Variants in GALNT13 observed in about 807,000 individuals in gnomAD.
GALNT13 encodes UDP-GalNAc:polypeptide N-acetylgalactosaminyltransferase 13.
Under a neutral mutation model 64.2 loss-of-function variants are expected in GALNT13, and 28 were observed. The ratio of observed to expected loss-of-function variants is 0.44; its 90% confidence interval spans 0.32 to 0.60. GALNT13 has a LOEUF of 0.60. Among genes scored for constraint, GALNT13 ranks in the 20% least tolerant of loss-of-function variants. The pLI is 0.05. For synonymous variants in GALNT13, 214 were observed against 224.6 expected (o/e 0.95, Z 0.42); for missense variants, 577 against 669.8 (o/e 0.86, Z 1.53).
the GALNT13 span, among the ~76,000 whole-genome samples, chr2:153,612,363 C>T: frequency 6.6e-6 from 1 of 152,058 alleles, no homozygotes; most frequent in Non-Finnish European, 1.5e-5. Context: ...ATATGTTGTA[C>T]TATTGTACTA....
chr2:153,587,989 G>T, the GALNT13 span, among the ~76,000 whole-genome samples: 96 of 152,352 alleles, frequency 6.3e-4, no homozygotes, highest in African/African-American at 2.3e-3. Flanking sequence ...CCCCATGCAA[G>T]TCTGAAATCC....
At chr2:153,559,328 C>T in the GALNT13 span, among the ~76,000 whole-genome samples, 1 of 152,126 alleles carries the variant, frequency 6.6e-6, no homozygotes, top group Non-Finnish European at 1.5e-5. Flanking sequence ...GGCTTTACGT[C>T]CTAACGGTCT....
the GALNT13 span, among the ~76,000 whole-genome samples, chr2:153,222,171 C>T: frequency 6.6e-6 from 1 of 151,986 alleles, no homozygotes; most frequent in Non-Finnish European, 1.5e-5. Context: ...GAACAGCTCT[C>T]AGGAGGCCTG....
At chr2:154,161,718 CTT>C (rs1376702792) in intron 4 of GALNT13, among the ~76,000 whole-genome samples, 3 of 151,852 alleles carry the variant, frequency 2.0e-5, no homozygotes, top group Non-Finnish European at 4.4e-5. Flanking sequence ...GTTATAACCT[CTT>C]ATAAACAAGA....
At chr2:154,348,847 A>G (rs969554538) in intron 9 of GALNT13, among the ~76,000 whole-genome samples, 9 of 152,208 alleles carry the variant, frequency 5.9e-5, no homozygotes, top group African/African-American at 9.6e-5. Flanking sequence ...ATGAAAGTGC[A>G]TAGTCAGAAT....
the GALNT13 span, among the ~76,000 whole-genome samples, chr2:153,287,178 G>C: frequency 6.6e-6 from 1 of 152,192 alleles, no homozygotes; most frequent in East Asian, 1.9e-4. Flanking sequence ...GCACGCGATG[G>C]GGGTGTGGCT....
chr2:153,751,585 C>A, the GALNT13 span, among the ~76,000 whole-genome samples: 1 of 151,602 alleles, frequency 6.6e-6, no homozygotes, highest in Non-Finnish European at 1.5e-5. Context: ...ATATAGTGAC[C>A]TTTCTCTCTT....
At chr2:153,719,575 A>T in the GALNT13 span, among the ~76,000 whole-genome samples, 3 of 152,170 alleles carry the variant, frequency 2.0e-5, no homozygotes, top group African/African-American at 4.8e-5. Context: ...AGGGAGTGCC[A>T]GACAGTGGGC....
At chr2:153,733,129 T>G in the GALNT13 span, among the ~76,000 whole-genome samples, 2 of 152,140 alleles carry the variant, frequency 1.3e-5, no homozygotes, top group Middle Eastern at 3.2e-3. Context: ...ACTACTTACC[T>G]TCGTATTTCT....
intron 3 of GALNT13, among the ~76,000 whole-genome samples, chr2:154,021,775 G>T (rs1697519172): frequency 2.0e-5 from 3 of 151,486 alleles, no homozygotes; most frequent in South Asian, 2.1e-4. Flanking sequence ...TCCCTGTCTT[G>T]TGCCCGTTTT....
In GALNT13 at chr2:154,155,036, C is replaced by T. The variant is rs151295370; in HGVS notation, c.311+14531C>T. Among the ~76,000 whole-genome samples, 4 of 151,698 alleles carry T rather than the reference C, an allele frequency of 2.6e-5. No homozygotes were observed. The East Asian group carries it at 7.7e-4, about 29-fold the overall frequency. ...AATATGGATAGTAGAATTAATTTTG[C>T]ACATAAGAACATTAGATAAATCAAA... On this transcript the variant is annotated intron_variant, in intron 4 of 12. Transcript: ENST00000392825.
chr2:153,671,970 G>A, the GALNT13 span, among the ~76,000 whole-genome samples: 25,764 of 152,102 alleles, frequency 0.17, 2,709 homozygotes, highest in Non-Finnish European at 0.23. Context: ...ATTACATAAT[G>A]ATAAAAGGAC....
the GALNT13 span, among the ~76,000 whole-genome samples, chr2:153,318,695 G>T: frequency 6.6e-6 from 1 of 152,024 alleles, no homozygotes; most frequent in Non-Finnish European, 1.5e-5. Flanking sequence ...TCCATTTTTT[G>T]CTTGAGGCTA....
the GALNT13 span, among the ~76,000 whole-genome samples, chr2:153,156,091 C>T: frequency 6.6e-6 from 1 of 151,980 alleles, no homozygotes; most frequent in African/African-American, 2.4e-5. Flanking sequence ...CTCTGTGGAC[C>T]AAGAGGCTGT....
the GALNT13 span, among the ~76,000 whole-genome samples, chr2:153,386,259 G>A: frequency 6.6e-6 from 1 of 151,984 alleles, no homozygotes. Context: ...TAATTGGATG[G>A]TTCATTTCTA....
rs962665983 is a variant in GALNT13, at chr2:153,955,410, T to G, written c.142+10771T>G. Among the ~76,000 whole-genome samples the G allele has an allele frequency of 9.2e-5, 14 of 152,130 alleles. No homozygotes were observed. In the South Asian group the frequency reaches 1.9e-3, roughly 20 times the overall value. On this transcript the variant is annotated intron_variant, in intron 3 of 12. Transcript: ENST00000392825. The stretch of plus-strand genomic sequence containing the variant: ...CATGTGAAAATTGGAAGGGAAGAGA[T>G]AGCAGAAGAAAGTGAAGTACCAGGA...
chr2:153,801,546 A>G, the GALNT13 span, among the ~76,000 whole-genome samples: 2 of 152,170 alleles, frequency 1.3e-5, no homozygotes, highest in Non-Finnish European at 1.5e-5. Flanking sequence ...ACATTTATCA[A>G]TTAAGTTTTT....
chr2:154,115,102 C>G (rs1474538822), intron 3 of GALNT13, among the ~76,000 whole-genome samples: 1 of 152,132 alleles, frequency 6.6e-6, no homozygotes, highest in Non-Finnish European at 1.5e-5. Flanking sequence ...TAGACACTCC[C>G]AGCCGGGATG....
intron 4 of GALNT13, among the ~76,000 whole-genome samples, chr2:154,168,312 G>GA (rs1303780770): frequency 6.6e-6 from 1 of 152,140 alleles, no homozygotes; most frequent in East Asian, 1.9e-4. Flanking sequence ...CCTACCGGCA[G>GA]AATTCCCTCT....
Sources: gnomAD v4.1 joint callset for allele counts (sites outside exome capture counted in the v4.1 genomes callset) on GRCh38, gnomAD v4.1.1 for gene constraint, MANE v1.5 for transcripts, NCBI Gene and HGNC (gene_info 2026-07-23, HGNC 2026-07-21) for gene names.